SGCZ: variants seen among roughly 807,000 people sequenced by gnomAD.
The protein encoded by SGCZ is zeta-sarcoglycan.
Under a neutral mutation model 41.3 loss-of-function variants are expected in SGCZ, and 40 were observed. That is an observed-to-expected ratio of 0.97 (90% CI 0.75 to 1.26). The LOEUF is 1.26. Ranked by LOEUF, SGCZ falls within the 50% of genes most tolerant of loss-of-function variation. The pLI, the probability that SGCZ is intolerant of heterozygous loss-of-function variation, is 0.00. For missense variants in SGCZ, 552 were observed against 369.8 expected, an observed-to-expected ratio of 1.49 and a Z score of -4.04; for synonymous variants, 206 against 137.5, an observed-to-expected ratio of 1.50 and a Z score of -3.49.
intron 1 of SGCZ, among the ~76,000 whole-genome samples, chr8:15,130,337 T>C (rs1807853931): frequency 6.6e-6 from 1 of 152,158 alleles, no homozygotes; most frequent in African/African-American, 2.4e-5. Flanking sequence ...CAGCACTTGG[T>C]GCAATGGCCC....
intron 4 of SGCZ, among the ~76,000 whole-genome samples, chr8:14,224,281 G>C (rs1389865695): frequency 3.3e-5 from 5 of 152,060 alleles, no homozygotes; most frequent in African/African-American, 1.2e-4. Flanking sequence ...ATAGGGGATG[G>C]AAATACCAAG....
intron 1 of SGCZ, among the ~76,000 whole-genome samples, chr8:15,116,063 T>C (rs1312512052): frequency 6.6e-6 from 1 of 152,158 alleles, no homozygotes; most frequent in Non-Finnish European, 1.5e-5. Context: ...AGCAAATGAA[T>C]AGCTTCATTC....
chr8:14,989,454 C>T (rs1222968654), intron 1 of SGCZ, among the ~76,000 whole-genome samples: 3 of 151,986 alleles, frequency 2.0e-5, no homozygotes, highest in Non-Finnish European at 4.4e-5. Flanking sequence ...CCACTGCACT[C>T]CAGCCTGTGT....
intron 1 of SGCZ, among the ~76,000 whole-genome samples, chr8:15,133,149 T>C (rs934862466): frequency 5.3e-5 from 8 of 151,314 alleles, no homozygotes; most frequent in Non-Finnish European, 7.4e-5. Flanking sequence ...TCTCAAAATA[T>C]ATAAATAAAT....
At chr8:14,192,741 A>C (rs1805143807) in intron 4 of SGCZ, among the ~76,000 whole-genome samples, 1 of 152,054 alleles carries the variant, frequency 6.6e-6, no homozygotes, top group Non-Finnish European at 1.5e-5. Flanking sequence ...GTTAGACATA[A>C]ACTTCTGTAA....
chr8:14,557,715 G>C (rs1220001305), intron 1 of SGCZ, among the ~76,000 whole-genome samples: 1 of 151,732 alleles, frequency 6.6e-6, no homozygotes, highest in Non-Finnish European at 1.5e-5. Flanking sequence ...TGTTTGCTTT[G>C]TTAAACACAA....
At chr8:14,379,939 C>T (rs556568303) in intron 2 of SGCZ, among the ~76,000 whole-genome samples, 3 of 152,062 alleles carry the variant, frequency 2.0e-5, no homozygotes, top group Non-Finnish European at 4.4e-5. Context: ...ACCATGTTGG[C>T]CGGGCCTGGT....
chr8:14,240,480 A>T (rs371489732), intron 3 of SGCZ, among the ~76,000 whole-genome samples: 1 of 152,054 alleles, frequency 6.6e-6, no homozygotes, highest in Non-Finnish European at 1.5e-5. Flanking sequence ...CTTTTCATAT[A>T]ATTCTCCTAA....
At chr8:15,079,102 T>A (rs879625083) in intron 1 of SGCZ, among the ~76,000 whole-genome samples, 3 of 152,158 alleles carry the variant, frequency 2.0e-5, no homozygotes, top group Non-Finnish European at 4.4e-5. Flanking sequence ...CTCTAAAAGA[T>A]CCGTAACTTT....
chr8:14,140,058 C>G (rs183355376), intron 5 of SGCZ, among the ~76,000 whole-genome samples: 2 of 152,098 alleles, frequency 1.3e-5, no homozygotes, highest in East Asian at 3.9e-4. Flanking sequence ...CGTAACAGAA[C>G]CAAAGATCAA....
chr8:14,762,890 G>C (rs754206281), intron 1 of SGCZ, among the ~76,000 whole-genome samples: 2 of 152,126 alleles, frequency 1.3e-5, no homozygotes, highest in Non-Finnish European at 2.9e-5. Flanking sequence ...TTTGGAGTTA[G>C]ATAATTTTAC....
At chr8:14,360,656 G>A (rs540063921) in intron 2 of SGCZ, among the ~76,000 whole-genome samples, 2 of 151,940 alleles carry the variant, frequency 1.3e-5, no homozygotes, top group Admixed American at 1.3e-4. Context: ...ATTTTTTATC[G>A]CTAAGTAGTA....
rs76166125 is a variant in SGCZ, at chr8:15,161,043, C to T, written c.39+76542G>A. ...GATGCTCTCCTGCTCAGTCCTTCAACGGCCTCTTTCTCTGCAAGATCTGAA... is the reference window on the plus strand; with the variant it reads ...GATGCTCTCCTGCTCAGTCCTTCAATGGCCTCTTTCTCTGCAAGATCTGAA... On this transcript the variant is annotated intron_variant, in intron 1 of 7. Coordinates refer to ENST00000382080, the MANE Select transcript of SGCZ (RefSeq NM_139167.4). Among the ~76,000 whole-genome samples, 1,415 of 152,160 alleles carry T rather than the reference C, an allele frequency of 9.3e-3. 22 individuals are homozygous for T. Among genetic ancestry groups the T allele is most frequent in the East Asian group, 0.03 (154 of 5,144 alleles).
intron 1 of SGCZ, among the ~76,000 whole-genome samples, chr8:15,155,048 T>G (rs1799289791): frequency 6.6e-6 from 1 of 152,128 alleles, no homozygotes; most frequent in Non-Finnish European, 1.5e-5. Context: ...TCCCAGCACT[T>G]TGGGAGGCCA....
At chr8:14,846,112 T>C (rs927660287) in intron 1 of SGCZ, among the ~76,000 whole-genome samples, 35 of 152,130 alleles carry the variant, frequency 2.3e-4, no homozygotes, top group Non-Finnish European at 2.5e-4. Context: ...CTCTCAATAA[T>C]TTTATTGAAC....
intron 2 of SGCZ, among the ~76,000 whole-genome samples, chr8:14,486,523 A>G (rs1354327828): frequency 6.6e-6 from 1 of 152,232 alleles, no homozygotes; most frequent in East Asian, 1.9e-4. Flanking sequence ...GCTACAAGCC[A>G]CTCATGGAGA....
chr8:14,610,882 G>A (rs1229442697), intron 1 of SGCZ, among the ~76,000 whole-genome samples: 1 of 152,128 alleles, frequency 6.6e-6, no homozygotes, highest in Non-Finnish European at 1.5e-5. Context: ...CAAATATTCA[G>A]ATAATATTTA....
chr8:14,528,312 G>A (rs138089660), intron 2 of SGCZ, among the ~76,000 whole-genome samples: 1 of 152,102 alleles, frequency 6.6e-6, no homozygotes, highest in South Asian at 2.1e-4. Flanking sequence ...ATATGAGAAA[G>A]CATGCGACGG....
intron 1 of SGCZ, among the ~76,000 whole-genome samples, chr8:14,715,808 A>G (rs916795492): frequency 1.3e-5 from 2 of 152,280 alleles, no homozygotes; most frequent in South Asian, 4.1e-4. Flanking sequence ...AAGAATTCTC[A>G]TAGAAAAATT....
Sources: gnomAD v4.1 joint callset for allele counts (sites outside exome capture counted in the v4.1 genomes callset) on GRCh38, gnomAD v4.1.1 for gene constraint, MANE v1.5 for transcripts, NCBI Gene and HGNC (gene_info 2026-07-23, HGNC 2026-07-21) for gene names.